Variants in SENP7 observed in about 807,000 individuals in gnomAD.
SENP7 encodes the protein sentrin-specific protease 7.
SENP7 carries 64 observed loss-of-function variants against 141.2 expected under a neutral mutation model. The ratio of observed to expected loss-of-function variants is 0.45; its 90% CI spans 0.37 to 0.56. SENP7 has a LOEUF of 0.56. Ranked by LOEUF, SENP7 falls within the 20% of genes least tolerant of loss-of-function variation. The pLI, the probability that SENP7 is intolerant of heterozygous loss-of-function variation, is 0.00. For missense variants in SENP7, 1,025 were observed against 1,212.2 expected (o/e 0.85, Z 2.29); for synonymous variants, 382 against 426.4 (o/e 0.90, Z 1.28).
intron 4 of SENP7, among the ~76,000 whole-genome samples, chr3:101,447,797 A>T (rs1447525660): frequency 1.3e-5 from 2 of 148,448 alleles, no homozygotes; most frequent in Non-Finnish European, 3.0e-5. Flanking sequence ...AAAAAAAAAT[A>T]GCAAAGTTGT....
rs1482001620 is a variant in SENP7 at position 101,350,705 on chromosome 3, A to G, written c.1657+913T>C. On this transcript the variant is annotated intron_variant, in intron 12 of 23. Transcript: ENST00000394095. ...AGCTCTGTTACCCAGGTCTTTAACT[A>G]TAAACTGTAGTGCTATCTTTTCTGA... Among the ~76,000 whole-genome samples, 4 of 152,196 alleles carry G rather than the reference A, an allele frequency of 2.6e-5. No individual in the cohort carries two copies. In the East Asian group the frequency reaches 7.7e-4, roughly 29 times the overall value.
At position 101,422,953 on chromosome 3, in the gene SENP7, G is replaced by T. The variant is rs529654921; in HGVS notation, c.285-5163C>A. ...AAACATGACTTAATTATATAGCTTG[G>T]CCAAATAAATTCAGAAATCAGAAAA... On this transcript the variant is annotated intron_variant, in intron 4 of 23. Transcript: ENST00000394095. Among the ~76,000 whole-genome samples the T allele has an allele frequency of 3.3e-5, 5 of 152,096 alleles. No individual in the cohort carries two copies. The East Asian group carries it at 9.7e-4, about 29-fold the overall frequency.
intron 6 of SENP7, among the ~76,000 whole-genome samples, chr3:101,394,535 C>T (rs190211834): frequency 1.7e-4 from 25 of 148,596 alleles, no homozygotes; most frequent in Middle Eastern, 3.5e-3. Context: ...TTTTTTGAGA[C>T]GGAGTCTGGC....
chr3:101,426,543 C>T (rs1242092795), intron 4 of SENP7, among the ~76,000 whole-genome samples: 6 of 151,532 alleles, frequency 4.0e-5, no homozygotes, highest in South Asian at 4.2e-4. Context: ...TCAGTGGCAC[C>T]ATCTTGACTC....
chr3:101,324,909 A>G lies in SENP7; in HGVS notation c.*1034T>C, dbSNP rs2058860626. The G allele has an allele frequency of 6.6e-6, 1 of 152,190 alleles. No homozygotes were observed. The highest frequency in any genetic ancestry group is 2.4e-5 in the African/African-American group (1 of 41,554). The allele number at this position is 152,190 out of a possible 1,614,324, so 9.4% of individuals were successfully genotyped here. ...ATGAATTCAGAACTGTTACCTGAAT[A>G]TTTAATAAAAAATTAAGTTCCATGA... On this transcript the variant is annotated 3_prime_UTR_variant, in exon 24 of 24. Coordinates refer to ENST00000394095, the MANE Select transcript of SENP7 (RefSeq NM_020654.5).
At chr3:101,408,160 C>T (rs1056162968) in intron 5 of SENP7, among the ~76,000 whole-genome samples, 1 of 152,070 alleles carries the variant, frequency 6.6e-6, no homozygotes, top group African/African-American at 2.4e-5. Flanking sequence ...CACCTTTATA[C>T]TCATAAACTA....
At chr3:101,381,575 G>T (rs1219657729) in intron 6 of SENP7, among the ~76,000 whole-genome samples, 1 of 151,602 alleles carries the variant, frequency 6.6e-6, no homozygotes, top group Non-Finnish European at 1.5e-5. Flanking sequence ...GTTCAAATTA[G>T]GAAAAAGTTT....
intron 3 of SENP7, among the ~76,000 whole-genome samples, chr3:101,474,079 TC>T (rs1214828048): frequency 1.3e-5 from 2 of 152,188 alleles, no homozygotes; most frequent in Non-Finnish European, 2.9e-5. Context: ...TCTATTCTGT[TC>T]CATTGGTCAG....
intron 10 of SENP7, among the ~76,000 whole-genome samples, chr3:101,362,214 T>C (rs2059921021): frequency 6.6e-6 from 1 of 152,216 alleles, no homozygotes; most frequent in Non-Finnish European, 1.5e-5. Context: ...ATTGTACTTT[T>C]GTTTAAAATA....
chr3:101,354,478 G>T lies in SENP7; in HGVS notation c.1624-2827C>A, dbSNP rs191148416. Among the ~76,000 whole-genome samples, 1,292 of 152,000 alleles carry T rather than the reference G, an allele frequency of 8.5e-3. 23 individuals carry two copies. Among genetic ancestry groups the T allele is most frequent in the African/African-American group, 0.03 (1,252 of 41,476 alleles). ...TGTGTCCATGAGTTTTCATCATTTAGCTCCCACTTATAACTGAGAATATGC... is the reference window on the plus strand; with the variant it reads ...TGTGTCCATGAGTTTTCATCATTTATCTCCCACTTATAACTGAGAATATGC... On this transcript the variant is annotated intron_variant, in intron 11 of 23. Coordinates refer to ENST00000394095, the MANE Select transcript of SENP7 (RefSeq NM_020654.5).
chr3:101,449,415 T>C (rs1440039085), intron 4 of SENP7, among the ~76,000 whole-genome samples: 1 of 151,972 alleles, frequency 6.6e-6, no homozygotes, highest in East Asian at 1.9e-4. Flanking sequence ...AAGACATAAT[T>C]GTAAGATTCA....
chr3:101,463,398 C>T (rs28674054), intron 3 of SENP7, among the ~76,000 whole-genome samples: 5,342 of 57,894 alleles, frequency 0.092, 133 homozygotes, highest in Middle Eastern at 0.16. Context: ...TATATATATA[C>T]ATATATATAT....
intron 15 of SENP7, 200 bp from the exon 16 acceptor site, chr3:101,340,411 ATCTTT>A (rs1353844325): frequency 3.3e-6 from 2 of 599,166 alleles, no homozygotes; most frequent in Non-Finnish European, 2.7e-6. Flanking sequence ...ATTGAGTATT[ATCTTT>A]TCTTTTCCAA....
intron 3 of SENP7, among the ~76,000 whole-genome samples, chr3:101,493,113 C>G (rs1369149566): frequency 6.6e-6 from 1 of 152,062 alleles, no homozygotes; most frequent in Non-Finnish European, 1.5e-5. Flanking sequence ...AGCTGGAGAC[C>G]ATTATCCTCA....
chr3:101,465,515 C>T (rs539541118), intron 3 of SENP7, among the ~76,000 whole-genome samples: 11 of 152,298 alleles, frequency 7.2e-5, no homozygotes, highest in Admixed American at 4.6e-4. Flanking sequence ...AAGCAGTCTG[C>T]ATCACTTAGG....
intron 11 of SENP7, chr3:101,357,256 C>T (rs1384359886): frequency 4.4e-6 from 2 of 451,606 alleles, no homozygotes; most frequent in Non-Finnish European, 8.4e-6. Flanking sequence ...CTACCTCAGC[C>T]TCCCAAAGTG....
At chr3:101,448,599 T>C (rs1172729665) in intron 4 of SENP7, among the ~76,000 whole-genome samples, 1 of 152,078 alleles carries the variant, frequency 6.6e-6, no homozygotes, top group Non-Finnish European at 1.5e-5. Context: ...CTGTGTGAGG[T>C]GTCAGTCTGC....
At chr3:101,354,981 T>C (rs138095469) in intron 11 of SENP7, among the ~76,000 whole-genome samples, 51 of 152,252 alleles carry the variant, frequency 3.3e-4, no homozygotes, top group African/African-American at 1.0e-3. Flanking sequence ...ATCAGTGATA[T>C]TGAGCTTTTT....
intron 3 of SENP7, 55 bp from the exon 4 acceptor site, chr3:101,459,107 A>T: frequency 1.0e-6 from 1 of 962,034 alleles, no homozygotes; most frequent in Non-Finnish European, 1.6e-6. Flanking sequence ...GACAAGAGGC[A>T]TTTAAACTGT....
Sources: gnomAD v4.1 joint callset for allele counts (sites outside exome capture counted in the v4.1 genomes callset) on GRCh38, gnomAD v4.1.1 for gene constraint, MANE v1.5 for transcripts, NCBI Gene and HGNC (gene_info 2026-07-23, HGNC 2026-07-21) for gene names.